The following PADI4 variants were observed in gnomAD, a reference collection of about 807,000 sequenced individuals.
PADI4 encodes protein-arginine deiminase type-4.
A neutral mutation model predicts 75.0 loss-of-function variants in PADI4; 62 were observed. The observed-to-expected ratio is 0.83, with a 90% CI of 0.67 to 1.02. The LOEUF (loss-of-function observed/expected upper bound fraction) is 1.02, where lower values mean the gene tolerates loss of function less well. Ranked by LOEUF, PADI4 falls within the 50% of genes least tolerant of loss-of-function variation. The pLI is 0.00. For missense variants in PADI4, 845 were observed against 850.5 expected, an observed-to-expected ratio of 0.99 and a Z score of 0.08; for synonymous variants, 361 against 348.1, an observed-to-expected ratio of 1.04 and a Z score of -0.41.
At chr1:17,348,218 T>C (rs2074555031) in intron 10 of PADI4, 170 bp downstream of exon 10, 2 of 513,610 alleles carry the variant, frequency 3.9e-6, no homozygotes, top group Admixed American at 3.3e-5. Flanking sequence ...TATTTTTTTA[T>C]TACCAAGATA....
intron 7 of PADI4, 25 bp downstream of exon 7, chr1:17,342,146 T>TCGGGGGCCTGGGCTTCCAGG: frequency 6.2e-7 from 1 of 1,608,492 alleles, no homozygotes; most frequent in Non-Finnish European, 8.5e-7. Context: ...CAGCCCTGCA[T>TCGGGGGCCTGGGCTTCCAGG]CGGGGGCCTG....
Position 17,346,152 on chromosome 1 carries a change from CG to C in PADI4, c.1047+17del, listed in dbSNP as rs1403137863. Reference sequence around the variant, plus strand: ...CCAGTGGATGCAGGTATGTGCCCTGCGGGGCAGGCAGGGTGACTGTCCCTGA... The same window carrying C: ...CCAGTGGATGCAGGTATGTGCCCTGCGGGCAGGCAGGGTGACTGTCCCTGA... On this transcript the variant is annotated intron_variant, in intron 9 of 15. Coordinates refer to ENST00000375448, the MANE Select transcript of PADI4 (RefSeq NM_012387.3). This position sits in a 1 kb window ranked among gnomAD's most constrained non-coding sequence, Gnocchi z 4.3. The C allele has an allele frequency of 6.4e-7, 1 of 1,556,832 alleles. No homozygotes were observed. The highest frequency in any genetic ancestry group is 8.9e-7 in the Non-Finnish European group (1 of 1,128,518).
rs143078416 is a variant in PADI4, at chr1:17,350,922, C to T, written c.1155+2874C>T. ...GCTACAGGTGCCAGGTGTGGTGGCT[C>T]ATACCTGTAATCCTAGCACTTTGGA... On this transcript the variant is annotated intron_variant, in intron 10 of 15. Transcript: ENST00000375448. Among the ~76,000 whole-genome samples the T allele has an allele frequency of 2.8e-3, 356 of 126,640 alleles. 29 individuals are homozygous for T. Among genetic ancestry groups the T allele is most frequent in the African/African-American group, 8.6e-3 (340 of 39,460 alleles). 83.1% of individuals were successfully genotyped at this position (126,640 alleles called of 152,430 possible).
At position 17,341,945 on chromosome 1, in the gene PADI4, G is replaced by T. The variant is rs530325059; in HGVS notation, c.655G>T (p.Gly219Cys). 17 of 1,613,332 alleles carry T rather than the reference G, an allele frequency of 1.1e-5. No individual in the cohort carries two copies. In the East Asian group the frequency reaches 3.6e-4, roughly 34 times the overall value. The change falls in exon 7 of 16, where the codon GGC (glycine) becomes TGC (cysteine). Residue 219 changes from glycine (G) to cysteine (C), a missense_variant and splice_region_variant. Coordinates refer to ENST00000375448, the MANE Select transcript of PADI4 (RefSeq NM_012387.3). Reference sequence around the variant, plus strand: ...AGTCTCCCCTGCCTCTCTCCTAGGGGGCAAACTGTCCTCCAAGTGCAGCGT... The same window carrying T: ...AGTCTCCCCTGCCTCTCTCCTAGGGTGCAAACTGTCCTCCAAGTGCAGCGT... Reference protein sequence around the residue: ...DKVRVFQATRGKLSSKCSVVL... With the variant: ...DKVRVFQATRCKLSSKCSVVL...
intron 15 of PADI4, among the ~76,000 whole-genome samples, 196 bp from the exon 16 acceptor site, chr1:17,363,326 T>G (rs6695312): frequency 0.01 from 1,550 of 151,962 alleles, 29 homozygotes; most frequent in African/African-American, 0.035. Flanking sequence ...TCTCACCATG[T>G]TGCCCAGGCT....
chr1:17,340,738 A>T (rs1351351577), intron 6 of PADI4, among the ~76,000 whole-genome samples: 12 of 146,596 alleles, frequency 8.2e-5, no homozygotes, highest in Non-Finnish European at 1.2e-4. Flanking sequence ...TTTTTTTTGC[A>T]TGGGCCTGAC....
chr1:17,345,966 A>G (rs935280046), intron 8 of PADI4, 62 bp from the exon 9 acceptor site: 21 of 1,136,642 alleles, frequency 1.8e-5, no homozygotes, highest in African/African-American at 1.1e-4. Flanking sequence ...GTCCCTCCCA[A>G]TCCTTCCAGG....
chr1:17,356,410 GC>G lies in PADI4; in HGVS notation c.1510del (p.Gln504SerfsTer23). On this transcript the variant is annotated frameshift_variant, in exon 13 of 16. Transcript: ENST00000375448. LOFTEE classifies it high-confidence loss of function. The surrounding 1 kb of genome is among the most constrained non-coding windows in gnomAD (Gnocchi z 4.1). ...GGTCCTGCTACAAACTGTTCCAGGA[GC>G]AGCAGAATGAGGGCCACGGGGAGGC... ...PRSCYKLFQE[Q>X]QNEGHGEALL... The G allele has an allele frequency of 6.2e-7, 1 of 1,613,772 alleles. No homozygotes were observed. The highest frequency in any genetic ancestry group is 8.5e-7 in the Non-Finnish European group (1 of 1,179,798).
intron 1 of PADI4, among the ~76,000 whole-genome samples, chr1:17,328,912 C>T (rs1748041): frequency 0.67 from 100,625 of 151,096 alleles, 33,686 homozygotes; most frequent in Non-Finnish European, 0.7. Flanking sequence ...TCCTAAACTA[C>T]GCCTTCAGAA....
At chr1:17,341,820 A>C (rs2074423615) in intron 6 of PADI4, 123 bp from the exon 7 acceptor site, 1 of 687,154 alleles carries the variant, frequency 1.5e-6, no homozygotes, top group South Asian at 1.9e-5. Context: ...ATTTGGCTGC[A>C]AGGGGTTCTC....
intron 10 of PADI4, among the ~76,000 whole-genome samples, chr1:17,351,973 AGGTG>A (rs2074641696): frequency 1.3e-4 from 6 of 47,344 alleles, no homozygotes; most frequent in Admixed American, 8.5e-4. Flanking sequence ...GCGGCCAGGG[AGGTG>A]ATGGGAGGAG....
At chr1:17,311,565 C>T (rs537941285) in intron 1 of PADI4, among the ~76,000 whole-genome samples, 2 of 151,474 alleles carry the variant, frequency 1.3e-5, no homozygotes, top group Non-Finnish European at 2.9e-5. Context: ...CTCTGTCCAG[C>T]CCAGGCTGGA....
intron 1 of PADI4, among the ~76,000 whole-genome samples, chr1:17,321,334 C>T (rs1451563177): frequency 6.6e-6 from 1 of 152,168 alleles, no homozygotes; most frequent in Non-Finnish European, 1.5e-5. Context: ...CGGGGGACCA[C>T]TGGGGGCCAG....
At chr1:17,332,675 G>A (rs1182287780) in intron 2 of PADI4, among the ~76,000 whole-genome samples, 2 of 152,130 alleles carry the variant, frequency 1.3e-5, no homozygotes, top group East Asian at 3.9e-4. Context: ...CACCCCCTTT[G>A]CCTGTAGATG....
chr1:17,313,580 C>T (rs2073881808), intron 1 of PADI4, among the ~76,000 whole-genome samples: 1 of 150,296 alleles, frequency 6.7e-6, no homozygotes, highest in Non-Finnish European at 1.5e-5. Context: ...GGCAGATTTG[C>T]ATGACCCAGT....
At chr1:17,317,953 G>A (rs1249021293) in intron 1 of PADI4, among the ~76,000 whole-genome samples, 1 of 152,212 alleles carries the variant, frequency 6.6e-6, no homozygotes, top group Non-Finnish European at 1.5e-5. Context: ...GAGCCCAGGA[G>A]TTCAAGTCTG....
At chr1:17,322,573 C>T (rs184721020) in intron 1 of PADI4, among the ~76,000 whole-genome samples, 2 of 152,132 alleles carry the variant, frequency 1.3e-5, no homozygotes, top group East Asian at 1.9e-4. Flanking sequence ...ATCTTTGGGG[C>T]CCACAGGGAA....
intron 10 of PADI4, among the ~76,000 whole-genome samples, chr1:17,353,037 C>G (rs113745238): frequency 4.6e-5 from 7 of 152,100 alleles, no homozygotes; most frequent in Non-Finnish European, 7.4e-5. Flanking sequence ...AGGCGAGGCC[C>G]GCGCATTGCA....
At chr1:17,349,061 C>G (rs996985289) in intron 10 of PADI4, among the ~76,000 whole-genome samples, 1 of 152,218 alleles carries the variant, frequency 6.6e-6, no homozygotes, top group Non-Finnish European at 1.5e-5. Context: ...TTCCTCCTGG[C>G]CAAGCTGTGC....
Sources: gnomAD v4.1 joint callset for allele counts (sites outside exome capture counted in the v4.1 genomes callset) on GRCh38, gnomAD v4.1.1 for gene constraint, Gnocchi (gnomAD v3.1) non-coding constraint, MANE v1.5 for transcripts, NCBI Gene and HGNC (gene_info 2026-07-23, HGNC 2026-07-21) for gene names.